Variants in BAHCC1 observed in about 807,000 individuals in gnomAD.
BAHCC1 encodes the protein BAH and coiled-coil domain-containing protein 1.
A neutral mutation model predicts 88.2 loss-of-function variants in BAHCC1; 43 were observed. That is an observed-to-expected ratio of 0.49 (90% CI 0.38 to 0.63). The LOEUF (loss-of-function observed/expected upper bound fraction) is 0.63, where lower values mean the gene tolerates loss of function less well. Ranked by LOEUF, BAHCC1 falls within the 20% of genes least tolerant of loss-of-function variation. BAHCC1 has a pLI of 0.00. For missense variants in BAHCC1, 3,023 were observed against 1,654.8 expected (o/e 1.83, Z -14.34); for synonymous variants, 1,510 against 745.5 (o/e 2.03, Z -16.71).
At position 81,443,406 on chromosome 17, in the gene BAHCC1, G is replaced by A. The variant is rs529919452; in HGVS notation, c.2057G>A (p.Ser686Asn). 1.1e-4 allele frequency: 82 copies of A among 771,378 alleles called. No homozygotes were observed. The highest frequency in any genetic ancestry group is 4.1e-4 in the Admixed American group (24 of 57,882). 47.8% of individuals were successfully genotyped at this position (771,378 alleles called of 1,614,324 possible). ...GQSERPDCARSREHDTTHGDG... is the reference protein window; with the variant it reads ...GQSERPDCARNREHDTTHGDG... ...TCGGAGAGGCCGGACTGTGCCCGCA[G>A]CAGGGAGCACGACACCACGCACGGC... is the stretch of plus-strand genomic sequence containing the variant. Residue 686 changes from serine to asparagine, a missense_variant, in exon 5 of 28, where the codon AGC (serine) becomes AAC (asparagine). Physicochemically the swap from Ser to Asn is conservative, Grantham distance 46 (BLOSUM62 1). Transcript: ENST00000675386.
chr17:81,430,149 G>A (rs1468394753), intron 3 of BAHCC1, among the ~76,000 whole-genome samples: 1 of 152,136 alleles, frequency 6.6e-6, no homozygotes, highest in Non-Finnish European at 1.5e-5. Flanking sequence ...GGTGGATGAG[G>A]ATGAGAGCAG....
At chr17:81,453,196 C>T (rs1555656336) in intron 14 of BAHCC1, among the ~76,000 whole-genome samples, 3 of 152,232 alleles carry the variant, frequency 2.0e-5, no homozygotes, top group East Asian at 1.9e-4. Flanking sequence ...GCGTGCAGGC[C>T]TCTTTATCTG....
Position 81,442,471 on chromosome 17 carries a change from C to T in BAHCC1, c.1122C>T (p.Asp374=), listed in dbSNP as rs371913800. Residue 374 remains aspartate, a synonymous_variant, in exon 5 of 28, where the codon GAC becomes GAT. Coordinates refer to ENST00000675386, the MANE Select transcript of BAHCC1 (RefSeq NM_001377448.1). ...GCCTGCAGCTGCACGGGGGCCCTGA[C>T]GGGCTCTGCCCGCTGCAGGACAAAG... ...FPCLQLHGGP[D]GLCPLQDKAP... The T allele has an allele frequency of 3.5e-5, 25 of 720,292 alleles. No homozygotes were observed. The highest frequency in any genetic ancestry group is 5.4e-5 in the Non-Finnish European group (21 of 388,744). The allele number at this position is 720,292 out of a possible 1,614,324, so 44.6% of individuals were successfully genotyped here.
chr17:81,444,228 CCAGGTTGATGGCAGGGGGTGGGA>C, intron 6 of BAHCC1, 130 bp from the exon 7 acceptor site: 1 of 617,088 alleles, frequency 1.6e-6, no homozygotes, highest in South Asian at 1.9e-5. Context: ...GTTCTCCCTC[CCAGGTTGATGGCAGGGGGTGGGA>C]CAGGGAGTCA....
At chr17:81,460,147 G>A (rs2030118635) in intron 23 of BAHCC1, 130 bp from the exon 24 acceptor site, 2 of 635,628 alleles carry the variant, frequency 3.1e-6, no homozygotes, top group South Asian at 3.7e-5. Context: ...CGGCTCCACT[G>A]TCTGTGTGGT....
Position 81,463,907 on chromosome 17 carries a change from G to A in BAHCC1, c.*90G>A, listed in dbSNP as rs549081050. 1.2e-4 allele frequency: 84 copies of A among 680,462 alleles called. No homozygotes were observed. The highest frequency in any genetic ancestry group is 3.8e-4 in the East Asian group (14 of 36,900). 42.2% of individuals were successfully genotyped at this position (680,462 alleles called of 1,614,324 possible). ...AAGCCACCGGGCAGGAGGCAGCCCCGGCCTCCCAAGGGCGCATCTGAGCAA... is the reference window on the plus strand; with the variant it reads ...AAGCCACCGGGCAGGAGGCAGCCCCAGCCTCCCAAGGGCGCATCTGAGCAA... On this transcript the variant is annotated 3_prime_UTR_variant, in exon 28 of 28. Coordinates refer to ENST00000675386, the MANE Select transcript of BAHCC1 (RefSeq NM_001377448.1).
intron 18 of BAHCC1, 66 bp downstream of exon 18, chr17:81,458,532 C>CCTCCCCCCCA: frequency 6.2e-6 from 4 of 646,550 alleles, no homozygotes; most frequent in Non-Finnish European, 8.5e-6. Context: ...CCTTCCCCGC[C>CCTCCCCCCCA]CTCCCCCGCA....
intron 17 of BAHCC1, 61 bp downstream of exon 17, chr17:81,457,653 A>T: frequency 1.2e-5 from 5 of 426,986 alleles, no homozygotes; most frequent in Non-Finnish European, 1.3e-5. Flanking sequence ...GGATTGCTAG[A>T]TAACCAGGAG....
rs782462398 is a variant in BAHCC1 at position 81,458,820 on chromosome 17, G to C, written c.5456G>C (p.Gly1819Ala). ...VKHKAGKQGK[G>A]RAVSRLLESF... ...GACTCCTCTGGCCCCCAGGGCAAGG[G>C]CCGGGCCGTGAGCCGCCTGCTGGAA... Residue 1819 changes from glycine to alanine, a missense_variant, in exon 20 of 28, where the codon GGC (glycine) becomes GCC (alanine). By Grantham distance (60) the Gly-to-Ala change is moderately conservative. Transcript: ENST00000675386. 3.9e-6 allele frequency: 3 copies of C among 765,490 alleles called. No individual in the cohort carries two copies. The South Asian group carries it at 4.1e-5, about 10-fold the overall frequency. The allele number at this position is 765,490 out of a possible 1,614,324, so 47.4% of individuals were successfully genotyped here. A position where few individuals can be genotyped will look rare whatever the true frequency, so the allele number is the denominator to read the frequency against.
intron 3 of BAHCC1, among the ~76,000 whole-genome samples, chr17:81,431,391 C>T (rs1161245170): frequency 6.6e-6 from 1 of 152,174 alleles, no homozygotes; most frequent in African/African-American, 2.4e-5. Flanking sequence ...CTGCCAGTCA[C>T]TGTTGAGTGC....
chr17:81,446,474 C>T (rs1453773888), intron 10 of BAHCC1, among the ~76,000 whole-genome samples: 3 of 133,300 alleles, frequency 2.3e-5, no homozygotes, highest in Non-Finnish European at 4.7e-5. Flanking sequence ...TTGGGGGGAG[C>T]TTCAAGGCCA....
chr17:81,455,246 C>T (rs1188708463), intron 14 of BAHCC1, 21 bp from the exon 15 acceptor site: 13 of 712,228 alleles, frequency 1.8e-5, no homozygotes, highest in African/African-American at 1.6e-4. Flanking sequence ...CTGCCCTGCA[C>T]CCACCACCCC....
intron 2 of BAHCC1, among the ~76,000 whole-genome samples, chr17:81,419,860 C>G (rs1408126365): frequency 1.3e-5 from 2 of 150,438 alleles, no homozygotes. Context: ...CTCGGCGGCT[C>G]ACTTAACTCA....
At chr17:81,397,119 C>G (rs1286455461) in intron 1 of BAHCC1, 2 of 152,130 alleles carry the variant, frequency 1.3e-5, no homozygotes, top group African/African-American at 4.8e-5. Context: ...CCGGCGCGGG[C>G]AGACGCGGAG....
At chr17:81,459,435 C>T in intron 22 of BAHCC1, 61 bp from the exon 23 acceptor site, 1 of 769,200 alleles carries the variant, frequency 1.3e-6, no homozygotes, top group Non-Finnish European at 2.4e-6. Context: ...AGGGACCAGA[C>T]TCTCAGGCAG....
intron 2 of BAHCC1, chr17:81,415,546 T>C (rs377233265): frequency 5.8e-6 from 3 of 516,710 alleles, no homozygotes; most frequent in African/African-American, 5.8e-5. Flanking sequence ...TCCCTGCCCT[T>C]TCAGCCTGCA....
intron 3 of BAHCC1, among the ~76,000 whole-genome samples, chr17:81,427,705 A>T (rs2064216442): frequency 6.6e-6 from 1 of 152,266 alleles, no homozygotes; most frequent in Non-Finnish European, 1.5e-5. Flanking sequence ...CCAACCCTAC[A>T]GCGTGGGAAG....
At position 81,461,196 on chromosome 17, in the gene BAHCC1, G is replaced by A. The variant is rs782601410; in HGVS notation, c.6533G>A (p.Arg2178Lys). 2 of 738,292 alleles carry A rather than the reference G, an allele frequency of 2.7e-6. No homozygotes were observed. The highest frequency in any genetic ancestry group is 2.8e-5 in the South Asian group (2 of 70,524). The allele number at this position is 738,292 out of a possible 1,614,324, so 45.7% of individuals were successfully genotyped here. Residue 2178 changes from arginine (R) to lysine (K), a missense_variant, in exon 26 of 28, where the codon AGG (arginine) becomes AAG (lysine). Transcript: ENST00000675386. ...GGGGGGACCGGGCCGGGCCTCCCCA[G>A]GGGAGCCCACAAGCTGCTGCGGGCT... is the stretch of plus-strand genomic sequence containing the variant. ...FVGGTGPGLP[R>K]GAHKLLRAKK...
chr17:81,425,830 T>C (rs1178995955), intron 2 of BAHCC1, among the ~76,000 whole-genome samples: 1 of 142,376 alleles, frequency 7.0e-6, no homozygotes, highest in Admixed American at 7.0e-5. Context: ...GGTAATGTGG[T>C]TGGTGATTTG....
Sources: allele counts gnomAD v4.1 joint callset (sites outside exome capture counted in the v4.1 genomes callset), GRCh38; gene constraint gnomAD v4.1.1; transcripts MANE v1.5; gene names NCBI Gene and HGNC (gene_info 2026-07-23, HGNC 2026-07-21).